Variants in NBAS observed in about 807,000 individuals in gnomAD.
The protein encoded by NBAS is NBAS subunit of NRZ tethering complex.
In NBAS, 219 loss-of-function variants were observed where a neutral mutation model predicts 302.5. The ratio of observed to expected loss-of-function variants is 0.72; its 90% CI spans 0.65 to 0.81. The LOEUF (loss-of-function observed/expected upper bound fraction) is 0.81. Among genes scored for constraint, NBAS ranks in the 30% least tolerant of loss-of-function variants. The probability of loss-of-function intolerance (pLI) is 0.00; values close to 1 mark genes in which losing one functional copy is unlikely to be tolerated. For missense variants in NBAS, 2,932 were observed against 2,841.6 expected, an observed-to-expected ratio of 1.03 and a Z score of -0.72; for synonymous variants, 1,118 against 1,021.6, an observed-to-expected ratio of 1.09 and a Z score of -1.80.
the NBAS span, among the ~76,000 whole-genome samples, chr2:14,927,141 T>G: frequency 6.6e-6 from 1 of 152,220 alleles, no homozygotes; most frequent in Non-Finnish European, 1.5e-5. Context: ...TCCCAGCAGA[T>G]GGCCTTTGGA....
the NBAS span, among the ~76,000 whole-genome samples, chr2:15,013,091 T>G: frequency 1.3e-5 from 2 of 152,140 alleles, no homozygotes; most frequent in African/African-American, 4.8e-5. Flanking sequence ...ACTCCTGACC[T>G]CAGGTGATCT....
chr2:15,397,151 G>T (rs1306058862), intron 26 of NBAS, among the ~76,000 whole-genome samples: 2 of 152,196 alleles, frequency 1.3e-5, no homozygotes, highest in African/African-American at 4.8e-5. Flanking sequence ...TGGTAGGGAA[G>T]ATTAAGTATG....
At chr2:14,878,560 A>T in the NBAS span, among the ~76,000 whole-genome samples, 2 of 151,984 alleles carry the variant, frequency 1.3e-5, no homozygotes, top group Non-Finnish European at 1.5e-5. Flanking sequence ...AAAACTGATT[A>T]CCTCCACTCA....
At chr2:14,963,707 G>T in the NBAS span, among the ~76,000 whole-genome samples, 2 of 152,192 alleles carry the variant, frequency 1.3e-5, no homozygotes, top group African/African-American at 4.8e-5. Flanking sequence ...CTTGCTAAGG[G>T]ACTGAAGTGC....
chr2:15,009,983 T>C, the NBAS span, among the ~76,000 whole-genome samples: 2 of 152,190 alleles, frequency 1.3e-5, no homozygotes, highest in African/African-American at 4.8e-5. Context: ...AACAAACAAA[T>C]CGCCTCATGG....
chr2:15,470,007 T>TA (rs199917557), intron 16 of NBAS, among the ~76,000 whole-genome samples: 1,545 of 149,640 alleles, frequency 0.01, 5 homozygotes, highest in African/African-American at 0.018. Context: ...AAATAAAAAA[T>TA]AAAAAAAAAA....
chr2:15,199,126 CA>C (rs71400641), intron 48 of NBAS, among the ~76,000 whole-genome samples: 81 of 75,262 alleles, frequency 1.1e-3, no homozygotes, highest in East Asian at 1.5e-3. Context: ...GACTCCATCT[CA>C]AAAAAAAAAA....
At chr2:15,066,868 A>G in the NBAS span, among the ~76,000 whole-genome samples, 51 of 152,304 alleles carry the variant, frequency 3.3e-4, no homozygotes, top group Non-Finnish European at 5.4e-4. Context: ...CCATCAAAGG[A>G]AATAAAATCA....
At chr2:15,336,628 C>T (rs1672598468) in intron 35 of NBAS, among the ~76,000 whole-genome samples, 2 of 151,946 alleles carry the variant, frequency 1.3e-5, no homozygotes, top group South Asian at 4.2e-4. Context: ...TACTCCGGAG[C>T]CTGAAGCAGG....
intron 45 of NBAS, among the ~76,000 whole-genome samples, chr2:15,235,009 A>G (rs1667531306): frequency 6.6e-6 from 1 of 152,188 alleles, no homozygotes; most frequent in African/African-American, 2.4e-5. Flanking sequence ...GGTTGAGGAA[A>G]ATAGGGTCGT....
chr2:14,791,521 A>T, the NBAS span, among the ~76,000 whole-genome samples: 1 of 151,876 alleles, frequency 6.6e-6, no homozygotes. Context: ...AATGGGCATG[A>T]GGTTGGGAAC....
At chr2:15,255,875 T>C (rs1433556366) in intron 44 of NBAS, among the ~76,000 whole-genome samples, 1 of 152,196 alleles carries the variant, frequency 6.6e-6, no homozygotes, top group South Asian at 2.1e-4. Flanking sequence ...TTTGGCTTTG[T>C]TTCTGGGTTA....
chr2:15,556,642 T>G, intron 3 of NBAS, 141 bp downstream of exon 3: 1 of 768,676 alleles, frequency 1.3e-6, no homozygotes, highest in Non-Finnish European at 2.2e-6. Context: ...CCTAAATGTT[T>G]GAAATGTCTC....
At chr2:15,328,718 A>ACAT (rs1672189217) in intron 36 of NBAS, among the ~76,000 whole-genome samples, 1 of 152,192 alleles carries the variant, frequency 6.6e-6, no homozygotes, top group African/African-American at 2.4e-5. Context: ...GTAGCTCTGA[A>ACAT]CAAGGCAAAC....
At chr2:14,779,287 ACCT>A in the NBAS span, among the ~76,000 whole-genome samples, 1 of 152,052 alleles carries the variant, frequency 6.6e-6, no homozygotes, top group African/African-American at 2.4e-5. Context: ...TAACACAGTG[ACCT>A]CCTAACAGGT....
intron 33 of NBAS, among the ~76,000 whole-genome samples, chr2:15,355,165 T>C (rs1438783809): frequency 6.6e-6 from 1 of 152,216 alleles, no homozygotes; most frequent in Non-Finnish European, 1.5e-5. Flanking sequence ...CAGAGCTCCA[T>C]GAGTCACCAT....
At chr2:15,450,229 C>A (rs948224197) in intron 21 of NBAS, among the ~76,000 whole-genome samples, 1 of 152,192 alleles carries the variant, frequency 6.6e-6, no homozygotes, top group African/African-American at 2.4e-5. Flanking sequence ...ATATGCTACA[C>A]TAGTTCATTT....
chr2:14,829,114 G>C, the NBAS span, among the ~76,000 whole-genome samples: 1 of 151,748 alleles, frequency 6.6e-6, no homozygotes, highest in East Asian at 1.9e-4. Context: ...AAGTCTGACA[G>C]GATGAGGCCC....
chr2:15,067,989 C>T, the NBAS span, among the ~76,000 whole-genome samples: 2 of 152,146 alleles, frequency 1.3e-5, no homozygotes, highest in African/African-American at 4.8e-5. Flanking sequence ...GGGAAGTGTG[C>T]TTAGCCTCTA....
Sources: gnomAD v4.1 joint callset for allele counts (sites outside exome capture counted in the v4.1 genomes callset) on GRCh38, gnomAD v4.1.1 for gene constraint, MANE v1.5 for transcripts, NCBI Gene and HGNC (gene_info 2026-07-23, HGNC 2026-07-21) for gene names.